The following BCAT1 variants were observed in gnomAD, a reference collection of about 807,000 sequenced individuals.
The protein encoded by BCAT1 is branched-chain-amino-acid aminotransferase, cytosolic.
A neutral mutation model predicts 52.4 loss-of-function variants in BCAT1; 48 were observed. That is an observed-to-expected ratio of 0.92 (90% CI 0.73 to 1.16). BCAT1 has a LOEUF of 1.16. Ranked by LOEUF, BCAT1 falls within the 50% of genes most tolerant of loss-of-function variation. BCAT1 has a pLI of 0.00. For missense variants in BCAT1, 451 were observed against 457.1 expected (o/e 0.99, Z 0.12); for synonymous variants, 167 against 161.3 (o/e 1.04, Z -0.27).
chr12:24,822,147 G>A (rs1940165304), intron 10 of BCAT1, among the ~76,000 whole-genome samples: 1 of 152,222 alleles, frequency 6.6e-6, no homozygotes, highest in African/African-American at 2.4e-5. Flanking sequence ...TATAAACACA[G>A]ACGTGCTTTT....
chr12:24,872,298 A>G (rs1250582051), intron 5 of BCAT1, among the ~76,000 whole-genome samples: 1 of 152,240 alleles, frequency 6.6e-6, no homozygotes, highest in Non-Finnish European at 1.5e-5. Context: ...GGAGTGAACC[A>G]GAAATGAAGG....
At chr12:24,819,103 G>C (rs977388544) in intron 10 of BCAT1, among the ~76,000 whole-genome samples, 9 of 151,178 alleles carry the variant, frequency 6.0e-5, no homozygotes, top group African/African-American at 2.2e-4. Flanking sequence ...TTAACAGATG[G>C]AAGAGCCCAG....
At chr12:24,897,466 C>G (rs906516149) in intron 2 of BCAT1, among the ~76,000 whole-genome samples, 1 of 152,176 alleles carries the variant, frequency 6.6e-6, no homozygotes. Flanking sequence ...TACATTCTTT[C>G]GTAAGACACA....
chr12:24,822,344 C>T (rs2139325039), intron 10 of BCAT1, among the ~76,000 whole-genome samples: 1 of 152,244 alleles, frequency 6.6e-6, no homozygotes, highest in East Asian at 1.9e-4. Context: ...AAAGTCAAAT[C>T]TGTGGTTATG....
At chr12:24,837,303 G>GTAGA (rs1311530591) in intron 7 of BCAT1, among the ~76,000 whole-genome samples, 1 of 152,102 alleles carries the variant, frequency 6.6e-6, no homozygotes, top group Non-Finnish European at 1.5e-5. Flanking sequence ...TTAGAATAAT[G>GTAGA]TAGATAGGGT....
chr12:24,895,121 T>C (rs1942930248), intron 2 of BCAT1, among the ~76,000 whole-genome samples: 1 of 152,174 alleles, frequency 6.6e-6, no homozygotes, highest in African/African-American at 2.4e-5. Context: ...TAAATCAGAG[T>C]AATAGGAAAC....
intron 3 of BCAT1, among the ~76,000 whole-genome samples, chr12:24,887,364 T>C (rs1240538216): frequency 6.6e-6 from 1 of 151,958 alleles, no homozygotes; most frequent in Non-Finnish European, 1.5e-5. Context: ...TGGTTAGATC[T>C]TACATAATAC....
chr12:24,879,732 CT>C (rs1318979509), intron 4 of BCAT1, among the ~76,000 whole-genome samples: 4 of 152,156 alleles, frequency 2.6e-5, no homozygotes, highest in Non-Finnish European at 5.9e-5. Context: ...TTGCCCTGTC[CT>C]TTTGCTCTTT....
rs200849060 is a variant in BCAT1, at chr12:24,839,750, G to A, written c.817+2332C>T. ...CATGAAAAGACGGCAGGCTATTACC[G>A]AAAGAACTCTGTTTATACCTCCTAT... On this transcript the variant is annotated intron_variant, in intron 7 of 10. Transcript: ENST00000261192. Among the ~76,000 whole-genome samples the A allele has an allele frequency of 5.9e-5, 9 of 152,280 alleles. 1 individual carries two copies. The East Asian group carries it at 1.5e-3, about 26-fold the overall frequency.
intron 6 of BCAT1, among the ~76,000 whole-genome samples, chr12:24,848,875 T>TTA (rs1941420352): frequency 6.6e-6 from 1 of 152,190 alleles, no homozygotes; most frequent in Admixed American, 6.5e-5. Context: ...TAACCGTTCT[T>TTA]TTTTAATTTG....
intron 10 of BCAT1, among the ~76,000 whole-genome samples, chr12:24,828,309 T>G (rs538056153): frequency 6.6e-6 from 1 of 152,362 alleles, no homozygotes; most frequent in East Asian, 1.9e-4. Flanking sequence ...ATAATCTCTT[T>G]TCTGAGTAGC....
chr12:24,887,196 A>T (rs760205237), intron 3 of BCAT1, among the ~76,000 whole-genome samples: 1 of 149,330 alleles, frequency 6.7e-6, no homozygotes, highest in Non-Finnish European at 1.5e-5. Flanking sequence ...GGACAGGCAA[A>T]GGTCATCTGC....
At chr12:24,925,342 A>G (rs1943562288) in intron 1 of BCAT1, among the ~76,000 whole-genome samples, 1 of 152,128 alleles carries the variant, frequency 6.6e-6, no homozygotes, top group Non-Finnish European at 1.5e-5. Flanking sequence ...CCAGCTGACC[A>G]ACTTGCCCTA....
intron 1 of BCAT1, among the ~76,000 whole-genome samples, chr12:24,939,108 A>C (rs1033775977): frequency 6.6e-6 from 1 of 152,188 alleles, no homozygotes; most frequent in Non-Finnish European, 1.5e-5. Context: ...TCCTGGCCTC[A>C]AGTGATCTGC....
intron 5 of BCAT1, among the ~76,000 whole-genome samples, chr12:24,867,146 G>A (rs1042364768): frequency 1.3e-5 from 2 of 151,794 alleles, no homozygotes; most frequent in Admixed American, 1.3e-4. Context: ...CTGAGCCAAC[G>A]AGACCACGAA....
chr12:24,936,929 C>A (rs996294805), intron 1 of BCAT1, among the ~76,000 whole-genome samples: 3 of 152,066 alleles, frequency 2.0e-5, no homozygotes, highest in South Asian at 2.1e-4. Context: ...ATCCCTTTTA[C>A]CATGAAAGCT....
rs1265260922 is a variant in BCAT1 at position 24,846,632 on chromosome 12, A to G, written c.674+3154T>C. Among the ~76,000 whole-genome samples, 4 of 152,242 alleles carry G rather than the reference A, an allele frequency of 2.6e-5. No individual in the cohort carries two copies. In the East Asian group the frequency reaches 7.7e-4, roughly 29 times the overall value. ...GAAAGTGAGAAAACCTCACAACATC[A>G]GTGACTGTGAGAGTTTACTACAGGT... On this transcript the variant is annotated intron_variant, in intron 6 of 10. Coordinates refer to ENST00000261192, the MANE Select transcript of BCAT1 (RefSeq NM_005504.7).
chr12:24,821,178 T>G (rs533582714), intron 10 of BCAT1, among the ~76,000 whole-genome samples: 1 of 152,300 alleles, frequency 6.6e-6, no homozygotes, highest in South Asian at 2.1e-4. Flanking sequence ...AGCTGCTCCA[T>G]TGAAAACAAG....
At chr12:24,935,113 A>G (rs551876570) in intron 1 of BCAT1, among the ~76,000 whole-genome samples, 25 of 152,314 alleles carry the variant, frequency 1.6e-4, no homozygotes, top group Admixed American at 1.4e-3. Flanking sequence ...TGTGGTAGTG[A>G]TTCTTCCACA....
Sources: allele counts gnomAD v4.1 joint callset (sites outside exome capture counted in the v4.1 genomes callset), GRCh38; gene constraint gnomAD v4.1.1; transcripts MANE v1.5; gene names NCBI Gene and HGNC (gene_info 2026-07-23, HGNC 2026-07-21).